The following ST6GAL1 variants were observed in gnomAD, a reference collection of about 807,000 sequenced individuals.
ST6GAL1 encodes the protein beta-galactoside alpha-2,6-sialyltransferase 1.
ST6GAL1 carries 20 observed loss-of-function variants against 38.0 expected under a neutral mutation model. The ratio of observed to expected loss-of-function variants is 0.53; its 90% CI spans 0.37 to 0.77. The LOEUF is 0.77. ST6GAL1 is among the 30% of genes least tolerant of loss of function. The pLI is 0.00. For synonymous variants in ST6GAL1, 196 were observed against 188.2 expected, an observed-to-expected ratio of 1.04 and a Z score of -0.34; for missense variants, 432 against 496.4, an observed-to-expected ratio of 0.87 and a Z score of 1.23.
intron 2 of ST6GAL1, among the ~76,000 whole-genome samples, chr3:187,014,015 A>G (rs1384785785): frequency 6.6e-6 from 1 of 152,232 alleles, no homozygotes; most frequent in Non-Finnish European, 1.5e-5. Context: ...AACAGCGGTC[A>G]AGCCGGGCCT....
At chr3:187,073,033 C>A in intron 6 of ST6GAL1, 86 bp downstream of exon 6, 2 of 1,028,478 alleles carry the variant, frequency 1.9e-6, no homozygotes, top group Non-Finnish European at 3.0e-6. Flanking sequence ...AAAGTCATGG[C>A]TGACATTGGC....
intron 2 of ST6GAL1, among the ~76,000 whole-genome samples, chr3:186,990,096 C>T (rs35832957): frequency 0.2 from 30,081 of 152,220 alleles, 3,240 homozygotes; most frequent in East Asian, 0.46. Flanking sequence ...TGCAGTGGTG[C>T]GATCTTAGCT....
chr3:186,954,001 G>A lies in ST6GAL1; in HGVS notation c.-324-9784G>A, dbSNP rs188409313. 6.6e-4 allele frequency among the ~76,000 whole-genome samples: 101 copies of A among 152,000 alleles called. 1 individual carries two copies. The highest frequency in any genetic ancestry group is 2.4e-3 in the African/African-American group (98 of 41,440). ...CTCCCTCCCCCAGGCCCCCTGACAG[G>A]CCCCAGTGTGTGTTGTTCCCCTCCC... On this transcript the variant is annotated intron_variant, in intron 1 of 7. Transcript: ENST00000169298.
chr3:187,005,269 CTTTT>C (rs58085172), intron 2 of ST6GAL1, among the ~76,000 whole-genome samples: 1 of 103,956 alleles, frequency 9.6e-6, no homozygotes, highest in African/African-American at 3.4e-5. Flanking sequence ...TTTTCTTTTT[CTTTT>C]TTTTTTTTTT....
At position 186,932,456 on chromosome 3, in the gene ST6GAL1, C is replaced by G. The variant is rs987346302; in HGVS notation, c.-325+1622C>G. Among the ~76,000 whole-genome samples the G allele has an allele frequency of 2.0e-5, 3 of 152,236 alleles. No individual in the cohort carries two copies. The South Asian group carries it at 6.2e-4, about 32-fold the overall frequency. ...ATAGAAAGCTGCACCCTTCCATTATCCCTTTCAAGAATTCTTTATTCTGTT... is the reference window on the plus strand; with the variant it reads ...ATAGAAAGCTGCACCCTTCCATTATGCCTTTCAAGAATTCTTTATTCTGTT... On this transcript the variant is annotated intron_variant, in intron 1 of 7. Transcript: ENST00000169298.
chr3:187,024,660 T>C (rs566143641), intron 2 of ST6GAL1: 2 of 152,026 alleles, frequency 1.3e-5, no homozygotes, highest in African/African-American at 2.4e-5. Flanking sequence ...AACAACACCC[T>C]GAGGAAGCCG....
intron 2 of ST6GAL1, chr3:186,986,193 C>G (rs1560151793): frequency 6.6e-6 from 1 of 151,864 alleles, no homozygotes; most frequent in Non-Finnish European, 1.5e-5. Flanking sequence ...TTTTTTAGCT[C>G]CACAAAATAT....
intron 2 of ST6GAL1, among the ~76,000 whole-genome samples, chr3:187,031,162 A>G (rs1001533261): frequency 2.6e-5 from 4 of 152,220 alleles, no homozygotes; most frequent in Non-Finnish European, 1.5e-5. Flanking sequence ...TGTGAGGCCA[A>G]GGAAGCTTGA....
At chr3:187,000,585 T>TCTTGTTATC (rs59682792) in intron 2 of ST6GAL1, among the ~76,000 whole-genome samples, 27,686 of 152,068 alleles carry the variant, frequency 0.18, 2,559 homozygotes, top group African/African-American at 0.2. Context: ...ATTTTGTTTC[T>TCTTGTTATC]ATAAACATTG....
intron 1 of ST6GAL1, among the ~76,000 whole-genome samples, chr3:186,937,752 C>T (rs1399359607): frequency 1.3e-5 from 2 of 152,124 alleles, no homozygotes; most frequent in Non-Finnish European, 2.9e-5. Flanking sequence ...CTAACTTTCT[C>T]TTATTGTAAT....
At chr3:186,960,612 T>C (rs1445331922) in intron 1 of ST6GAL1, among the ~76,000 whole-genome samples, 2 of 151,978 alleles carry the variant, frequency 1.3e-5, no homozygotes, top group African/African-American at 4.8e-5. Flanking sequence ...ATCAGCTGAA[T>C]CTGCAGTGCT....
In ST6GAL1 at chr3:187,078,033, G is replaced by A. The variant is rs1560189186; in HGVS notation, c.*2230G>A. 6.6e-6 allele frequency: 1 copy of A among 152,668 alleles called. No homozygotes were observed. Among genetic ancestry groups the A allele is most frequent in the East Asian group, 1.9e-4 (1 of 5,184 alleles). 9.5% of individuals were successfully genotyped at this position (152,668 alleles called of 1,614,324 possible). A position where few individuals can be genotyped will look rare whatever the true frequency, so the allele number is the denominator to read the frequency against. ...TCTGGGCCCATGAATTCCTGGCTTG[G>A]TTTATGTTCTGATTTGACACACTGA... On this transcript the variant is annotated 3_prime_UTR_variant, in exon 8 of 8. Transcript: ENST00000169298.
In ST6GAL1 at chr3:187,057,537, C is replaced by T. The variant is rs1007586926; in HGVS notation, c.705+6191C>T. Among the ~76,000 whole-genome samples the T allele has an allele frequency of 1.5e-4, 23 of 152,266 alleles. No individual in the cohort carries two copies. The Middle Eastern group carries it at 0.01, about 68-fold the overall frequency. ...TTCTGTTTGTTAGTTTTCCTTCTAA[C>T]AGTCAGGTCCCTCAGCTGCAGGTCT... On this transcript the variant is annotated intron_variant, in intron 5 of 7. Transcript: ENST00000169298.
At chr3:187,003,777 C>T (rs1716696067) in intron 2 of ST6GAL1, among the ~76,000 whole-genome samples, 1 of 152,214 alleles carries the variant, frequency 6.6e-6, no homozygotes, top group Non-Finnish European at 1.5e-5. Flanking sequence ...CCATTCTGGA[C>T]ATAACCATAC....
chr3:187,075,498 G>T lies in ST6GAL1; in HGVS notation c.980-64G>T. On this transcript the variant is annotated intron_variant, in intron 7 of 7. Coordinates refer to ENST00000169298, the MANE Select transcript of ST6GAL1 (RefSeq NM_173216.2). This position sits in a 1 kb window ranked among gnomAD's most constrained non-coding sequence, Gnocchi z 4.1. ...GGGGTCATGAGCTGCTGAACCCACTGGGCAGAGCTCTGGGGTGCTGGGGTG... is the reference window on the plus strand; with the variant it reads ...GGGGTCATGAGCTGCTGAACCCACTTGGCAGAGCTCTGGGGTGCTGGGGTG... 1 of 1,590,740 alleles carries T rather than the reference G, an allele frequency of 6.3e-7. No homozygotes were observed. The highest frequency in any genetic ancestry group is 1.1e-5 in the South Asian group (1 of 87,776).
At chr3:186,947,511 A>G (rs2108518808) in intron 1 of ST6GAL1, among the ~76,000 whole-genome samples, 1 of 152,248 alleles carries the variant, frequency 6.6e-6, no homozygotes, top group Admixed American at 6.5e-5. Flanking sequence ...GTATAGGTAA[A>G]TATTTTATAA....
chr3:186,951,351 C>T (rs1383928668), intron 1 of ST6GAL1, among the ~76,000 whole-genome samples: 1 of 152,230 alleles, frequency 6.6e-6, no homozygotes, highest in Non-Finnish European at 1.5e-5. Flanking sequence ...GCCACTGCGC[C>T]AGGCCGTAAT....
chr3:186,946,082 GATC>G (rs1303744468), intron 1 of ST6GAL1, among the ~76,000 whole-genome samples: 1 of 151,884 alleles, frequency 6.6e-6, no homozygotes, highest in African/African-American at 2.4e-5. Context: ...CAAGCGGGTG[GATC>G]ACCTGAGGTC....
chr3:187,066,221 A>G (rs2108598790), intron 5 of ST6GAL1, among the ~76,000 whole-genome samples: 1 of 152,250 alleles, frequency 6.6e-6, no homozygotes, highest in Non-Finnish European at 1.5e-5. Context: ...GGCAATCATG[A>G]GTTCTGGGGC....
Sources: allele counts gnomAD v4.1 joint callset (sites outside exome capture counted in the v4.1 genomes callset), GRCh38; gene constraint gnomAD v4.1.1; non-coding constraint Gnocchi (gnomAD v3.1); transcripts MANE v1.5; gene names NCBI Gene and HGNC (gene_info 2026-07-23, HGNC 2026-07-21).